Variants in NOL10 observed in about 807,000 individuals in gnomAD.
NOL10 encodes the protein nucleolar protein 10, also known as H_NH0074G24.1.
In NOL10, 58 loss-of-function variants were observed where a neutral mutation model predicts 103.5. The ratio of observed to expected loss-of-function variants is 0.56; its 90% CI spans 0.45 to 0.70. NOL10 has a LOEUF of 0.70. Among genes scored for constraint, NOL10 ranks in the 30% least tolerant of loss-of-function variants. NOL10 has a pLI of 0.00. For synonymous variants in NOL10, 287 were observed against 282.5 expected (o/e 1.02, Z -0.16); for missense variants, 763 against 807.3 (o/e 0.95, Z 0.67).
chr2:10,592,790 A>G (rs1675457536), intron 17 of NOL10, among the ~76,000 whole-genome samples: 1 of 152,224 alleles, frequency 6.6e-6, no homozygotes. Flanking sequence ...GAACAACTAT[A>G]AAATAAAACC....
intron 12 of NOL10, among the ~76,000 whole-genome samples, chr2:10,646,566 A>G (rs1679082725): frequency 1.3e-5 from 2 of 152,236 alleles, no homozygotes; most frequent in South Asian, 4.1e-4. Flanking sequence ...CATAGAGCCC[A>G]AAGAGTATGA....
intron 19 of NOL10, among the ~76,000 whole-genome samples, chr2:10,580,331 CA>C (rs1232117880): frequency 3.3e-5 from 5 of 152,090 alleles, no homozygotes; most frequent in African/African-American, 1.2e-4. Context: ...AGGAGGATGG[CA>C]GAATTGGCCT....
rs546803847 is a variant in NOL10 at position 10,582,948 on chromosome 2, T to C, written c.1845-5210A>G. ...CTAACTGTTTACTGTGTTTTCTATC[T>C]CCCAGTCACTTGTGTCTCTATTGCA... On this transcript the variant is annotated intron_variant, in intron 19 of 20. Transcript: ENST00000381685. 7.0e-4 allele frequency among the ~76,000 whole-genome samples: 106 copies of C among 152,318 alleles called. 1 individual carries two copies. The highest frequency in any genetic ancestry group is 2.5e-3 in the African/African-American group (102 of 41,574).
At chr2:10,638,303 G>A (rs1678418170) in intron 13 of NOL10, among the ~76,000 whole-genome samples, 1 of 59,360 alleles carries the variant, frequency 1.7e-5, no homozygotes, top group Non-Finnish European at 3.7e-5. Flanking sequence ...ATAACGTAAC[G>A]TGACGTGACG....
At chr2:10,644,194 G>T in intron 13 of NOL10, 126 bp downstream of exon 13, 1 of 608,942 alleles carries the variant, frequency 1.6e-6, no homozygotes, top group Non-Finnish European at 2.7e-6. Flanking sequence ...GTTGCAGTGG[G>T]CTGAGGCTGC....
chr2:10,637,203 A>C (rs1454516411), intron 13 of NOL10, among the ~76,000 whole-genome samples: 4 of 150,576 alleles, frequency 2.7e-5, no homozygotes, highest in South Asian at 2.1e-4. Context: ...AAAAAAAAAA[A>C]AAAAAAAAAA....
chr2:10,594,878 T>A (rs1675584552), intron 17 of NOL10, among the ~76,000 whole-genome samples: 1 of 151,950 alleles, frequency 6.6e-6, no homozygotes, highest in Non-Finnish European at 1.5e-5. Context: ...GCACCTGTAA[T>A]CCCAGCTACT....
At position 10,644,340 on chromosome 2, in the gene NOL10, T is replaced by C. The variant is rs764497777; in HGVS notation, c.1006A>G (p.Met336Val). The C allele has an allele frequency of 7.8e-6, 12 of 1,540,234 alleles. No individual in the cohort carries two copies. In the East Asian group the frequency reaches 2.8e-4, roughly 35 times the overall value. ...CTTACTGGAATGTAATAGATGCCCA[T>C]CTTGGGGGTTTCATTGGCCGTCAGA... is the stretch of plus-strand genomic sequence containing the variant. ...MLLTANETPK[M>V]GIYYIPVLGP... is the part of the protein sequence containing the mutation. The change falls in exon 13 of 21, where the codon ATG becomes GTG. Residue 336 changes from methionine to valine, a missense_variant. Coordinates refer to ENST00000381685, the MANE Select transcript of NOL10 (RefSeq NM_024894.4).
chr2:10,577,231 C>T (rs559415374), intron 20 of NOL10, among the ~76,000 whole-genome samples: 1 of 152,204 alleles, frequency 6.6e-6, no homozygotes, highest in African/African-American at 2.4e-5. Context: ...TCTTCAAAGT[C>T]CATATACATG....
In NOL10 at chr2:10,681,988, T is replaced by C; in HGVS notation, c.194A>G (p.Gln65Arg). 4.8e-6 allele frequency: 7 copies of C among 1,461,752 alleles called. No homozygotes were observed. Among genetic ancestry groups the C allele is most frequent in the South Asian group, 1.6e-5 (1 of 62,630 alleles). 90.5% of individuals were successfully genotyped at this position (1,461,752 alleles called of 1,614,324 possible). A position where few individuals can be genotyped will look rare whatever the true frequency, so the allele number is the denominator to read the frequency against. The change falls in exon 3 of 21, where the codon CAG (glutamine) becomes CGG (arginine). Residue 65 changes from glutamine to arginine, a missense_variant. Transcript: ENST00000381685. ...ATGCTTACCAGTTGCTAAAATGTACTGTCCATCTTTTGACACCTTAATAGT... is the reference window on the plus strand; with the variant it reads ...ATGCTTACCAGTTGCTAAAATGTACCGTCCATCTTTTGACACCTTAATAGT... Reference protein sequence around the residue: ...CTTIKVSKDGQYILATGTYKP... With the variant: ...CTTIKVSKDGRYILATGTYKP...
intron 4 of NOL10, among the ~76,000 whole-genome samples, chr2:10,674,278 A>G (rs991750335): frequency 1.3e-5 from 2 of 152,048 alleles, no homozygotes; most frequent in South Asian, 2.1e-4. Context: ...GACTATGCAT[A>G]TAATTCCACA....
At chr2:10,675,294 G>A (rs1489294395) in intron 4 of NOL10, among the ~76,000 whole-genome samples, 1 of 152,164 alleles carries the variant, frequency 6.6e-6, no homozygotes, top group East Asian at 1.9e-4. Context: ...GTGAGTGTGT[G>A]ATGAGAAATG....
intron 12 of NOL10, among the ~76,000 whole-genome samples, chr2:10,644,665 T>C (rs544907456): frequency 5.9e-5 from 9 of 152,350 alleles, no homozygotes; most frequent in African/African-American, 1.7e-4. Context: ...AGAGGGACTC[T>C]AACAGCCCTG....
intron 16 of NOL10, 56 bp from the exon 17 acceptor site, chr2:10,600,998 C>T: frequency 9.6e-7 from 1 of 1,043,906 alleles, no homozygotes; most frequent in East Asian, 2.6e-5. Flanking sequence ...AACATATTTA[C>T]ATATTAGCTT....
chr2:10,677,841 G>GTC (rs1040663761), intron 3 of NOL10, among the ~76,000 whole-genome samples: 1 of 101,820 alleles, frequency 9.8e-6, no homozygotes. Context: ...TAATACATTT[G>GTC]TGTGTGTGTG....
At chr2:10,686,582 G>A (rs1021766051) in intron 1 of NOL10, among the ~76,000 whole-genome samples, 1 of 152,174 alleles carries the variant, frequency 6.6e-6, no homozygotes, top group Non-Finnish European at 1.5e-5. Flanking sequence ...GGGGTAGAGG[G>A]TGGAAACTGA....
intron 19 of NOL10, among the ~76,000 whole-genome samples, chr2:10,579,208 CAT>C (rs1305964226): frequency 6.6e-6 from 1 of 152,168 alleles, no homozygotes; most frequent in African/African-American, 2.4e-5. Context: ...AAGTGGTTAG[CAT>C]AAAAGTGGCA....
chr2:10,621,487 G>C (rs1166242346), intron 13 of NOL10, among the ~76,000 whole-genome samples: 27 of 152,258 alleles, frequency 1.8e-4, no homozygotes, highest in Admixed American at 1.7e-3. Context: ...CTGGGTACTT[G>C]GGAGACTGAG....
At chr2:10,687,503 CTAGTT>C (rs1682300418) in intron 1 of NOL10, among the ~76,000 whole-genome samples, 2 of 152,284 alleles carry the variant, frequency 1.3e-5, no homozygotes, top group Non-Finnish European at 2.9e-5. Flanking sequence ...GGTCCTCAGC[CTAGTT>C]ATCTTCTCTG....
Sources: allele counts gnomAD v4.1 joint callset (sites outside exome capture counted in the v4.1 genomes callset), GRCh38; gene constraint gnomAD v4.1.1; transcripts MANE v1.5; gene names NCBI Gene and HGNC (gene_info 2026-07-23, HGNC 2026-07-21).